The following ITPRIPL2 variants were observed in gnomAD, a reference collection of about 807,000 sequenced individuals.
ITPRIPL2 encodes inositol 1,4,5-trisphosphate receptor-interacting protein-like 2.
Under a neutral mutation model 31.7 loss-of-function variants are expected in ITPRIPL2, and 29 were observed. That is an observed-to-expected ratio of 0.91 (90% CI 0.68 to 1.25). The LOEUF (loss-of-function observed/expected upper bound fraction) is 1.25, where lower values mean the gene tolerates loss of function less well. Among genes scored for constraint, ITPRIPL2 ranks in the 50% most tolerant of loss-of-function variants. ITPRIPL2 has a pLI of 0.00. For synonymous variants in ITPRIPL2, 344 were observed against 343.4 expected (o/e 1.00, Z -0.02); for missense variants, 696 against 739.1 (o/e 0.94, Z 0.68).
In ITPRIPL2 at chr16:19,113,984, C is replaced by G. The variant is rs1461103365; in HGVS notation, c.-478C>G. Reference sequence around the variant, plus strand: ...GGGCCGACCCGGCTCGCCAGCTCCACGCTCGGCTCCAGACTCCGGCATTTC... The same window carrying G: ...GGGCCGACCCGGCTCGCCAGCTCCAGGCTCGGCTCCAGACTCCGGCATTTC... On this transcript the variant is annotated 5_prime_UTR_variant, in exon 1 of 1. Transcript: ENST00000381440. The G allele has an allele frequency of 5.1e-6, 2 of 392,938 alleles. No individual in the cohort carries two copies. The highest frequency in any genetic ancestry group is 9.0e-6 in the Non-Finnish European group (2 of 222,374). 24.3% of individuals were successfully genotyped at this position (392,938 alleles called of 1,614,324 possible). A position where few individuals can be genotyped will look rare whatever the true frequency, so the allele number is the denominator to read the frequency against.
chr16:19,114,457 C>T lies in ITPRIPL2; in HGVS notation c.-5C>T, dbSNP rs1412342221. On this transcript the variant is annotated 5_prime_UTR_variant, in exon 1 of 1. Transcript: ENST00000381440. ...GCTCGGCCACCGCCGCCCCGGGCGC[C>T]CGGCATGTCGGTGCACTACACCCTC... 2.2e-6 allele frequency: 3 copies of T among 1,393,342 alleles called. No individual in the cohort carries two copies. The highest frequency in any genetic ancestry group is 2.8e-6 in the Non-Finnish European group (3 of 1,074,670). The allele number at this position is 1,393,342 out of a possible 1,614,324, so 86.3% of individuals were successfully genotyped here.
At position 19,114,408 on chromosome 16, in the gene ITPRIPL2, C is replaced by T; in HGVS notation, c.-54C>T. ...CTGTGCGCATGCTGGGCTTGGGTCGCCGCCGGGGCTTGCCCCCTGGGCTGC... is the reference window on the plus strand; with the variant it reads ...CTGTGCGCATGCTGGGCTTGGGTCGTCGCCGGGGCTTGCCCCCTGGGCTGC... On this transcript the variant is annotated 5_prime_UTR_variant, in exon 1 of 1. Transcript: ENST00000381440. The T allele has an allele frequency of 7.8e-7, 1 of 1,281,210 alleles. No individual in the cohort carries two copies. Among genetic ancestry groups the T allele is most frequent in the East Asian group, 3.1e-5 (1 of 32,268 alleles). 79.4% of individuals were successfully genotyped at this position (1,281,210 alleles called of 1,614,324 possible).
rs773872925 is a variant in ITPRIPL2, at chr16:19,115,329, C to T, written c.868C>T (p.His290Tyr). 6.2e-7 allele frequency: 1 copy of T among 1,613,418 alleles called. No homozygotes were observed. Among genetic ancestry groups the T allele is most frequent in the African/African-American group, 1.3e-5 (1 of 74,952 alleles). The change falls in exon 1 of 1, where the codon CAC (histidine) becomes TAC (tyrosine). Residue 290 changes from histidine to tyrosine, a missense_variant. By Grantham distance (83) the His-to-Tyr change is moderately conservative. Transcript: ENST00000381440. ...PGGLEQPPTL[H>Y]ILPCRTDYGC... ...TGGCCTGGAACAGCCCCCCACCTTA[C>T]ACATCTTGCCCTGCCGCACTGACTA...
Position 19,119,382 on chromosome 16 carries a change from G to A in ITPRIPL2, c.*3313G>A, listed in dbSNP as rs1400757922. ...CAAACTCAGCAGCCTGTAGAAACAG[G>A]GGTGGGAGGTGGGGGGGAAGCTGTG... On this transcript the variant is annotated 3_prime_UTR_variant, in exon 1 of 1. Coordinates refer to ENST00000381440, the MANE Select transcript of ITPRIPL2 (RefSeq NM_001034841.4). 4.1e-6 allele frequency: 1 copy of A among 246,268 alleles called. No homozygotes were observed. The highest frequency in any genetic ancestry group is 2.6e-5 in the African/African-American group (1 of 39,072). 15.3% of individuals were successfully genotyped at this position (246,268 alleles called of 1,614,324 possible).
At position 19,115,333 on chromosome 16, in the gene ITPRIPL2, T is replaced by G; in HGVS notation, c.872T>G (p.Ile291Ser). ...GGLEQPPTLH[I>S]LPCRTDYGCC... ...CTGGAACAGCCCCCCACCTTACACA[T>G]CTTGCCCTGCCGCACTGACTACGGC... Residue 291 changes from isoleucine (I) to serine (S), a missense_variant, in exon 1 of 1, where the codon ATC becomes AGC. Physicochemically the swap from Ile to Ser is moderately radical, Grantham distance 142. Coordinates refer to ENST00000381440, the MANE Select transcript of ITPRIPL2 (RefSeq NM_001034841.4). 1 of 1,613,436 alleles carries G rather than the reference T, an allele frequency of 6.2e-7. No homozygotes were observed. Among genetic ancestry groups the G allele is most frequent in the Non-Finnish European group, 8.5e-7 (1 of 1,179,964 alleles).
At position 19,113,991 on chromosome 16, in the gene ITPRIPL2, C is replaced by T. The variant is rs1963394528; in HGVS notation, c.-471C>T. 7.6e-6 allele frequency: 3 copies of T among 394,572 alleles called. No homozygotes were observed. In the Admixed American group the frequency reaches 1.3e-4, roughly 17 times the overall value. The allele number at this position is 394,572 out of a possible 1,614,324, so 24.4% of individuals were successfully genotyped here. A position where few individuals can be genotyped will look rare whatever the true frequency, so the allele number is the denominator to read the frequency against. On this transcript the variant is annotated 5_prime_UTR_variant, in exon 1 of 1. Coordinates refer to ENST00000381440, the MANE Select transcript of ITPRIPL2 (RefSeq NM_001034841.4). ...CCCGGCTCGCCAGCTCCACGCTCGG[C>T]TCCAGACTCCGGCATTTCCTCCCCG...
At position 19,118,797 on chromosome 16, in the gene ITPRIPL2, C is replaced by G; in HGVS notation, c.*2728C>G. 1 of 407,356 alleles carries G rather than the reference C, an allele frequency of 2.5e-6. No individual in the cohort carries two copies. Among genetic ancestry groups the G allele is most frequent in the South Asian group, 1.4e-4 (1 of 6,974 alleles). 25.2% of individuals were successfully genotyped at this position (407,356 alleles called of 1,614,324 possible). On this transcript the variant is annotated 3_prime_UTR_variant, in exon 1 of 1. Transcript: ENST00000381440. ...TCAATTTTGATCAATGTTTAGTAAA[C>G]CAAAACATGTACTGTGTACAACGGA...
In ITPRIPL2 at chr16:19,114,487, T is replaced by C; in HGVS notation, c.26T>C (p.Leu9Pro). 1 of 1,447,934 alleles carries C rather than the reference T, an allele frequency of 6.9e-7. No homozygotes were observed. Among genetic ancestry groups the C allele is most frequent in the Non-Finnish European group, 9.1e-7 (1 of 1,099,486 alleles). The allele number at this position is 1,447,934 out of a possible 1,614,324, so 89.7% of individuals were successfully genotyped here. A position where few individuals can be genotyped will look rare whatever the true frequency, so the allele number is the denominator to read the frequency against. The stretch of plus-strand genomic sequence containing the variant: ...ATGTCGGTGCACTACACCCTCAATC[T>C]ACGCGTCTTCTGGCCCCTGGTGACC... MSVHYTLN[L>P]RVFWPLVTGL... Residue 9 changes from leucine to proline, a missense_variant, in exon 1 of 1, where the codon CTA becomes CCA. Leu to Pro is a moderately conservative substitution (Grantham distance 98, BLOSUM62 -3). Transcript: ENST00000381440.
chr16:19,114,070 G>A lies in ITPRIPL2; in HGVS notation c.-392G>A. On this transcript the variant is annotated 5_prime_UTR_variant, in exon 1 of 1. Coordinates refer to ENST00000381440, the MANE Select transcript of ITPRIPL2 (RefSeq NM_001034841.4). ...GGAAGAGGAAACTCCCGGGGTCCGA[G>A]TAACAGGGTCAGGCGCGGAGAGGAG... is the stretch of plus-strand genomic sequence containing the variant. 2.5e-6 allele frequency: 1 copy of A among 397,780 alleles called. No individual in the cohort carries two copies. The highest frequency in any genetic ancestry group is 4.4e-6 in the Non-Finnish European group (1 of 225,490). 24.6% of individuals were successfully genotyped at this position (397,780 alleles called of 1,614,324 possible). A position where few individuals can be genotyped will look rare whatever the true frequency, so the allele number is the denominator to read the frequency against.
Position 19,115,334 on chromosome 16 carries a change from C to G in ITPRIPL2, c.873C>G (p.Ile291Met). 2 of 1,613,510 alleles carry G rather than the reference C, an allele frequency of 1.2e-6. No individual in the cohort carries two copies. Among genetic ancestry groups the G allele is most frequent in the Non-Finnish European group, 1.7e-6 (2 of 1,179,974 alleles). The change falls in exon 1 of 1, where the codon ATC (isoleucine) becomes ATG (methionine). Residue 291 changes from isoleucine to methionine, a missense_variant. Coordinates refer to ENST00000381440, the MANE Select transcript of ITPRIPL2 (RefSeq NM_001034841.4). ...TGGAACAGCCCCCCACCTTACACAT[C>G]TTGCCCTGCCGCACTGACTACGGCT... ...GGLEQPPTLH[I>M]LPCRTDYGCC...
rs1213171283 is a variant in ITPRIPL2, at chr16:19,115,250, G to A, written c.789G>A (p.Leu263=). 6.2e-7 allele frequency: 1 copy of A among 1,611,694 alleles called. No individual in the cohort carries two copies. The highest frequency in any genetic ancestry group is 8.5e-7 in the Non-Finnish European group (1 of 1,180,022). Reference sequence around the variant, plus strand: ...TCCAGTCGCATCTGCAGCGCTCCTTGGCCACTGTGCGTTACAGCCTGGAGG... The same window carrying A: ...TCCAGTCGCATCTGCAGCGCTCCTTAGCCACTGTGCGTTACAGCCTGGAGG... ...RWFQSHLQRS[L]ATVRYSLEGR... The change falls in exon 1 of 1, where the codon TTG becomes TTA. Residue 263 remains leucine, a synonymous_variant. Transcript: ENST00000381440.
In ITPRIPL2 at chr16:19,114,619, T is replaced by G; in HGVS notation, c.158T>G (p.Val53Gly). 1 of 1,589,512 alleles carries G rather than the reference T, an allele frequency of 6.3e-7. No homozygotes were observed. The highest frequency in any genetic ancestry group is 8.5e-7 in the Non-Finnish European group (1 of 1,170,854). Reference protein sequence around the residue: ...GVDGGFPLLKVAVLLLLSYVL... With the variant: ...GVDGGFPLLKGAVLLLLSYVL... ...GATGGCGGCTTCCCGTTGCTTAAGGTGGCCGTCCTGCTCCTCCTCAGCTAT... is the reference window on the plus strand; with the variant it reads ...GATGGCGGCTTCCCGTTGCTTAAGGGGGCCGTCCTGCTCCTCCTCAGCTAT... The change falls in exon 1 of 1, where the codon GTG (valine) becomes GGG (glycine). Residue 53 changes from valine to glycine, a missense_variant. By Grantham distance (109) the Val-to-Gly change is moderately radical. Transcript: ENST00000381440.
Position 19,114,689 on chromosome 16 carries a change from C to T in ITPRIPL2, c.228C>T (p.Pro76=), listed in dbSNP as rs202052210. Reference sequence around the variant, plus strand: ...ACGCTGTCCGGCAGCGCTTCCTGCCCGGGTCTCCCCGTCTGGAGGGTCACG... The same window carrying T: ...ACGCTGTCCGGCAGCGCTTCCTGCCTGGGTCTCCCCGTCTGGAGGGTCACG... ...CRHAVRQRFL[P]GSPRLEGHAA... Residue 76 remains proline (P), a synonymous_variant, in exon 1 of 1, where the codon CCC becomes CCT. Coordinates refer to ENST00000381440, the MANE Select transcript of ITPRIPL2 (RefSeq NM_001034841.4). 4.3e-5 allele frequency: 70 copies of T among 1,612,188 alleles called. No individual in the cohort carries two copies. In the African/African-American group the frequency reaches 5.3e-4, roughly 12 times the overall value.
chr16:19,119,998 C>T lies in ITPRIPL2; in HGVS notation c.*3929C>T, dbSNP rs1346138793. 1 of 166,994 alleles carries T rather than the reference C, an allele frequency of 6.0e-6. No homozygotes were observed. The highest frequency in any genetic ancestry group is 1.9e-4 in the East Asian group (1 of 5,202). 10.3% of individuals were successfully genotyped at this position (166,994 alleles called of 1,614,324 possible). On this transcript the variant is annotated 3_prime_UTR_variant, in exon 1 of 1. Transcript: ENST00000381440. ...TTGGGGGGTTAGTGGTATCCTAGCT[C>T]GTGCCTTTACAGGGATGATTGGTGG...
At position 19,114,451 on chromosome 16, in the gene ITPRIPL2, G is replaced by T; in HGVS notation, c.-11G>T. 1 of 1,385,746 alleles carries T rather than the reference G, an allele frequency of 7.2e-7. No homozygotes were observed. Among genetic ancestry groups the T allele is most frequent in the Non-Finnish European group, 9.3e-7 (1 of 1,070,622 alleles). The allele number at this position is 1,385,746 out of a possible 1,614,324, so 85.8% of individuals were successfully genotyped here. A position where few individuals can be genotyped will look rare whatever the true frequency, so the allele number is the denominator to read the frequency against. On this transcript the variant is annotated 5_prime_UTR_variant, in exon 1 of 1. Coordinates refer to ENST00000381440, the MANE Select transcript of ITPRIPL2 (RefSeq NM_001034841.4). Reference sequence around the variant, plus strand: ...TGGGCTGCTCGGCCACCGCCGCCCCGGGCGCCCGGCATGTCGGTGCACTAC... The same window carrying T: ...TGGGCTGCTCGGCCACCGCCGCCCCTGGCGCCCGGCATGTCGGTGCACTAC...
rs34900715 is a variant in ITPRIPL2 at position 19,118,464 on chromosome 16, CAA to C, written c.*2411_*2412del. ...TGGGTGACCGAGCGAGACTCCGTCT[CAA>C]AAAAAAAAAAAAAAAGCTTTAAAAA... On this transcript the variant is annotated 3_prime_UTR_variant, in exon 1 of 1. Transcript: ENST00000381440. The C allele has an allele frequency of 1.3e-4, 16 of 122,074 alleles. No homozygotes were observed. The highest frequency in any genetic ancestry group is 3.4e-5 in the African/African-American group (1 of 29,096). 7.6% of individuals were successfully genotyped at this position (122,074 alleles called of 1,614,324 possible). A position where few individuals can be genotyped will look rare whatever the true frequency, so the allele number is the denominator to read the frequency against.
In ITPRIPL2 at chr16:19,114,461, C is replaced by T; in HGVS notation, c.-1C>T. 1 of 1,395,184 alleles carries T rather than the reference C, an allele frequency of 7.2e-7. No homozygotes were observed. The highest frequency in any genetic ancestry group is 9.3e-7 in the Non-Finnish European group (1 of 1,075,138). 86.4% of individuals were successfully genotyped at this position (1,395,184 alleles called of 1,614,324 possible). A position where few individuals can be genotyped will look rare whatever the true frequency, so the allele number is the denominator to read the frequency against. On this transcript the variant is annotated 5_prime_UTR_variant, in exon 1 of 1. Coordinates refer to ENST00000381440, the MANE Select transcript of ITPRIPL2 (RefSeq NM_001034841.4). Reference sequence around the variant, plus strand: ...GGCCACCGCCGCCCCGGGCGCCCGGCATGTCGGTGCACTACACCCTCAATC... The same window carrying T: ...GGCCACCGCCGCCCCGGGCGCCCGGTATGTCGGTGCACTACACCCTCAATC...
In ITPRIPL2 at chr16:19,121,130, G is replaced by A. The variant is rs1012414255; in HGVS notation, c.*5061G>A. On this transcript the variant is annotated 3_prime_UTR_variant, in exon 1 of 1. Transcript: ENST00000381440. ...GCACATGACTGGGGGGATAAAGCATGTATAAGTTGGGAGAGGGTAAAGAAT... is the reference window on the plus strand; with the variant it reads ...GCACATGACTGGGGGGATAAAGCATATATAAGTTGGGAGAGGGTAAAGAAT... 71 of 166,822 alleles carry A rather than the reference G, an allele frequency of 4.3e-4. No individual in the cohort carries two copies. The highest frequency in any genetic ancestry group is 1.7e-3 in the African/African-American group (71 of 41,452). 10.3% of individuals were successfully genotyped at this position (166,822 alleles called of 1,614,324 possible). A position where few individuals can be genotyped will look rare whatever the true frequency, so the allele number is the denominator to read the frequency against.
chr16:19,115,619 G>A lies in ITPRIPL2; in HGVS notation c.1158G>A (p.Gly386=). 1 of 1,608,848 alleles carries A rather than the reference G, an allele frequency of 6.2e-7. No homozygotes were observed. The part of the protein sequence containing the change: ...LQLLKALRDL[G]ARGLDSAAAT... ...TGCTTAAGGCTCTGCGCGATCTGGG[G>A]GCCCGTGGGCTGGACTCAGCGGCCG... Residue 386 remains glycine, a synonymous_variant, in exon 1 of 1, where the codon GGG becomes GGA. Coordinates refer to ENST00000381440, the MANE Select transcript of ITPRIPL2 (RefSeq NM_001034841.4).
Sources: allele counts gnomAD v4.1 joint callset, GRCh38; gene constraint gnomAD v4.1.1; transcripts MANE v1.5; gene names NCBI Gene and HGNC (gene_info 2026-07-23, HGNC 2026-07-21).